The following IMMP2L variants were observed in gnomAD, a reference collection of about 807,000 sequenced individuals.
IMMP2L encodes inner mitochondrial membrane peptidase subunit 2.
IMMP2L carries 18 observed loss-of-function variants against 19.3 expected under a neutral mutation model. That is an observed-to-expected ratio of 0.93 (90% CI 0.64 to 1.38). IMMP2L has a LOEUF of 1.38. IMMP2L is among the 40% of genes most tolerant of loss of function. The pLI is 0.00. For synonymous variants in IMMP2L, 76 were observed against 73.0 expected, an observed-to-expected ratio of 1.04 and a Z score of -0.21; for missense variants, 233 against 218.2, an observed-to-expected ratio of 1.07 and a Z score of -0.43.
chr7:110,792,482 C>A (rs1310488323), intron 5 of IMMP2L, among the ~76,000 whole-genome samples: 1 of 151,972 alleles, frequency 6.6e-6, no homozygotes, highest in Non-Finnish European at 1.5e-5. Context: ...GCTTTTCTGG[C>A]CTTTAAAAAA....
intron 3 of IMMP2L, among the ~76,000 whole-genome samples, chr7:111,068,679 G>A (rs1307271971): frequency 6.6e-6 from 1 of 152,100 alleles, no homozygotes; most frequent in Non-Finnish European, 1.5e-5. Context: ...TTTAGCAACA[G>A]AGCAACCTCT....
chr7:110,725,683 G>A (rs1372754956), intron 5 of IMMP2L: 1 of 152,176 alleles, frequency 6.6e-6, no homozygotes, highest in Non-Finnish European at 1.5e-5. Context: ...AATGGAGAAG[G>A]TAGATAGCTA....
chr7:111,307,433 T>C (rs1427795973), intron 3 of IMMP2L, among the ~76,000 whole-genome samples: 2 of 151,866 alleles, frequency 1.3e-5, no homozygotes, highest in Middle Eastern at 3.2e-3. Flanking sequence ...AACATGCTTA[T>C]GTGTACCATA....
At chr7:111,330,856 C>T (rs1746187759) in intron 3 of IMMP2L, among the ~76,000 whole-genome samples, 1 of 151,718 alleles carries the variant, frequency 6.6e-6, no homozygotes, top group African/African-American at 2.4e-5. Context: ...TAGAGAAATG[C>T]AAATTAAAGA....
intron 3 of IMMP2L, among the ~76,000 whole-genome samples, chr7:111,057,706 T>A (rs1463434742): frequency 1.3e-5 from 2 of 152,226 alleles, no homozygotes; most frequent in Non-Finnish European, 2.9e-5. Context: ...CTAACCCTTC[T>A]GTCAAAATTC....
chr7:110,756,095 G>GT (rs1424401857), intron 5 of IMMP2L, among the ~76,000 whole-genome samples: 4 of 152,076 alleles, frequency 2.6e-5, no homozygotes, highest in African/African-American at 9.7e-5. Context: ...CTACTGAAGG[G>GT]ACCACTGTTA....
intron 5 of IMMP2L, among the ~76,000 whole-genome samples, chr7:110,788,029 T>C (rs1334754784): frequency 6.6e-6 from 1 of 151,934 alleles, no homozygotes; most frequent in East Asian, 1.9e-4. Flanking sequence ...CTCCTGCCGA[T>C]ATCCCCGATC....
chr7:110,894,352 C>A (rs142536016), intron 4 of IMMP2L, among the ~76,000 whole-genome samples: 1 of 152,266 alleles, frequency 6.6e-6, no homozygotes, highest in Non-Finnish European at 1.5e-5. Flanking sequence ...AGCAGTGGGA[C>A]TACCAATGTT....
chr7:110,980,868 A>G (rs1821228252), intron 3 of IMMP2L, among the ~76,000 whole-genome samples: 2 of 152,230 alleles, frequency 1.3e-5, no homozygotes, highest in Non-Finnish European at 2.9e-5. Context: ...AGCTTCACTG[A>G]TGTTGCTATT....
chr7:111,124,843 A>G (rs201247265), intron 3 of IMMP2L: 1 of 1,612,260 alleles, frequency 6.2e-7, no homozygotes, highest in Non-Finnish European at 8.5e-7. Context: ...AAAAGAAAAA[A>G]GTACATCACT....
intron 3 of IMMP2L, among the ~76,000 whole-genome samples, chr7:111,209,418 TA>T (rs1811079213): frequency 7.7e-6 from 1 of 129,894 alleles, no homozygotes; most frequent in Non-Finnish European, 1.7e-5. Context: ...AAAAAAAAAG[TA>T]AAAACTCACT....
intron 3 of IMMP2L, among the ~76,000 whole-genome samples, chr7:111,145,169 G>A (rs1677169575): frequency 6.6e-6 from 1 of 152,036 alleles, no homozygotes; most frequent in Non-Finnish European, 1.5e-5. Flanking sequence ...TACAACTGAA[G>A]ACATATACTC....
At chr7:111,559,644 A>G (rs2133191835) in intron 1 of IMMP2L, among the ~76,000 whole-genome samples, 1 of 152,294 alleles carries the variant, frequency 6.6e-6, no homozygotes, top group Middle Eastern at 3.4e-3. Context: ...AAAGTTAGGC[A>G]CTACATGGCT....
chr7:110,668,689 C>T (rs980196400), intron 5 of IMMP2L, among the ~76,000 whole-genome samples: 1 of 152,064 alleles, frequency 6.6e-6, no homozygotes, highest in African/African-American at 2.4e-5. Flanking sequence ...AAAAATAATT[C>T]ATCTTCACAA....
intron 3 of IMMP2L, among the ~76,000 whole-genome samples, chr7:111,238,388 C>A (rs1482920491): frequency 6.6e-6 from 1 of 151,948 alleles, no homozygotes; most frequent in Non-Finnish European, 1.5e-5. Flanking sequence ...AAAGTGAAGA[C>A]AATAGTAATA....
At chr7:110,996,849 C>G (rs1392908724) in intron 3 of IMMP2L, among the ~76,000 whole-genome samples, 1 of 151,990 alleles carries the variant, frequency 6.6e-6, no homozygotes, top group Non-Finnish European at 1.5e-5. Context: ...ATCCACCGAA[C>G]TTATTCAGAT....
chr7:111,106,108 C>T (rs1001095162), intron 3 of IMMP2L, among the ~76,000 whole-genome samples: 1 of 151,924 alleles, frequency 6.6e-6, no homozygotes, highest in African/African-American at 2.4e-5. Context: ...GACCTTAGAA[C>T]ATATAATACC....
At chr7:111,070,715 C>A (rs1407116676) in intron 3 of IMMP2L, among the ~76,000 whole-genome samples, 2 of 152,092 alleles carry the variant, frequency 1.3e-5, no homozygotes, top group Non-Finnish European at 2.9e-5. Context: ...CATATTTGGA[C>A]AATATGTAAG....
chr7:111,038,956 A>G (rs1211717349), intron 3 of IMMP2L, among the ~76,000 whole-genome samples: 1 of 152,156 alleles, frequency 6.6e-6, no homozygotes, highest in Non-Finnish European at 1.5e-5. Context: ...AAGGTGATAG[A>G]AATATATTTC....
Sources: gnomAD v4.1 joint callset for allele counts (sites outside exome capture counted in the v4.1 genomes callset) on GRCh38, gnomAD v4.1.1 for gene constraint, MANE v1.5 for transcripts, NCBI Gene and HGNC (gene_info 2026-07-23, HGNC 2026-07-21) for gene names.